Variants in UNC13C observed in about 807,000 individuals in gnomAD.
UNC13C encodes the protein protein unc-13 homolog C.
In UNC13C, 174 loss-of-function variants were observed where a neutral mutation model predicts 245.4. The observed-to-expected ratio is 0.71, with a 90% CI of 0.63 to 0.80. UNC13C has a LOEUF of 0.80. Among genes scored for constraint, UNC13C ranks in the 30% least tolerant of loss-of-function variants. The probability of loss-of-function intolerance (pLI) is 0.00; values close to 1 mark genes in which losing one functional copy is unlikely to be tolerated. For missense variants in UNC13C, 2,829 were observed against 2,602.9 expected (o/e 1.09, Z -1.89); for synonymous variants, 992 against 895.1 (o/e 1.11, Z -1.93).
intron 18 of UNC13C, among the ~76,000 whole-genome samples, chr15:54,407,133 T>G (rs1162156642): frequency 6.6e-6 from 1 of 152,150 alleles, no homozygotes; most frequent in East Asian, 1.9e-4. Flanking sequence ...TTTAAAGCAG[T>G]AGTTAGAAAT....
chr15:54,292,869 AAT>A (rs1275469414), intron 10 of UNC13C, among the ~76,000 whole-genome samples: 2 of 148,748 alleles, frequency 1.3e-5, no homozygotes, highest in East Asian at 1.9e-4. Context: ...TATATTATAA[AAT>A]ATGTTTTATA....
chr15:54,023,166 C>T (rs1044580257), intron 2 of UNC13C, among the ~76,000 whole-genome samples: 2 of 152,162 alleles, frequency 1.3e-5, no homozygotes, highest in African/African-American at 4.8e-5. Flanking sequence ...CTGTTAGCCT[C>T]ATCTTACAAG....
At chr15:54,329,082 T>TA (rs1491522461) in intron 14 of UNC13C, among the ~76,000 whole-genome samples, 1 of 7,626 alleles carries the variant, frequency 1.3e-4, no homozygotes, top group Non-Finnish European at 2.5e-4. Flanking sequence ...TTAAACCAAG[T>TA]TTTTTTTTTT....
intron 30 of UNC13C, among the ~76,000 whole-genome samples, chr15:54,601,086 CTTGAGGGTTGGACA>C (rs1899391442): frequency 6.6e-6 from 1 of 152,152 alleles, no homozygotes; most frequent in African/African-American, 2.4e-5. Context: ...CAGCCTGTGG[CTTGAGGGTTGGACA>C]AGCTTGATCT....
At chr15:54,142,472 T>G (rs574773735) in intron 2 of UNC13C, among the ~76,000 whole-genome samples, 1 of 152,230 alleles carries the variant, frequency 6.6e-6, no homozygotes, top group African/African-American at 2.4e-5. Flanking sequence ...TGGAATCAAC[T>G]TAATCTTTTA....
intron 4 of UNC13C, among the ~76,000 whole-genome samples, chr15:54,200,583 C>A (rs1182566219): frequency 1.3e-5 from 2 of 152,058 alleles, no homozygotes; most frequent in South Asian, 2.1e-4. Context: ...ATTGGGTCAA[C>A]AATGAAATCA....
chr15:54,544,344 T>C (rs903897641), intron 26 of UNC13C, among the ~76,000 whole-genome samples: 2 of 152,168 alleles, frequency 1.3e-5, no homozygotes, highest in Admixed American at 1.3e-4. Context: ...AATATCATAC[T>C]GAATGGGCAA....
At chr15:54,160,075 G>A (rs1028413314) in intron 4 of UNC13C, among the ~76,000 whole-genome samples, 29 of 152,014 alleles carry the variant, frequency 1.9e-4, no homozygotes, top group African/African-American at 6.8e-4. Flanking sequence ...GATACATCAC[G>A]GAAAACTAGA....
At chr15:54,215,071 G>A (rs780098686) in intron 4 of UNC13C, among the ~76,000 whole-genome samples, 3 of 151,902 alleles carry the variant, frequency 2.0e-5, no homozygotes, top group Non-Finnish European at 4.4e-5. Flanking sequence ...TATGGAGGGA[G>A]TAAGGTTTTT....
the UNC13C span, among the ~76,000 whole-genome samples, chr15:53,908,988 T>C: frequency 6.8e-6 from 1 of 146,246 alleles, no homozygotes; most frequent in African/African-American, 2.4e-5. Context: ...GTATATGTGG[T>C]TTGTTTATAT....
chr15:54,505,739 A>G (rs555206879), intron 22 of UNC13C, among the ~76,000 whole-genome samples: 89 of 131,908 alleles, frequency 6.7e-4, no homozygotes, highest in Non-Finnish European at 1.1e-3. Flanking sequence ...GCTTTAAGCT[A>G]TATTCTTTTT....
intron 19 of UNC13C, among the ~76,000 whole-genome samples, chr15:54,455,164 C>CCTCTCTCTCTCTCTCTCTCTCTCT (rs1203605020): frequency 2.3e-4 from 4 of 17,518 alleles, no homozygotes; most frequent in Non-Finnish European, 3.2e-4. Flanking sequence ...GAGTCATATT[C>CCTCTCTCTCTCTCTCTCTCTCTCT]CTCTCTCTCT....
intron 19 of UNC13C, among the ~76,000 whole-genome samples, chr15:54,464,439 A>G (rs901889342): frequency 3.3e-5 from 5 of 152,024 alleles, no homozygotes; most frequent in African/African-American, 9.7e-5. Flanking sequence ...ACATTTTTTT[A>G]TTCTTGAAAA....
At chr15:53,838,112 A>G in the UNC13C span, among the ~76,000 whole-genome samples, 65 of 152,228 alleles carry the variant, frequency 4.3e-4, no homozygotes, top group African/African-American at 1.5e-3. Flanking sequence ...TAATTTTTCC[A>G]TGAAAATATC....
chr15:54,405,996 G>C (rs980193996), intron 18 of UNC13C, among the ~76,000 whole-genome samples: 340 of 4,018 alleles, frequency 0.085, no homozygotes, highest in Non-Finnish European at 0.12. Flanking sequence ...GAGAAGTGTG[G>C]GGGGGGAAAG....
the UNC13C span, among the ~76,000 whole-genome samples, chr15:53,944,658 C>A: frequency 6.6e-6 from 1 of 152,212 alleles, no homozygotes; most frequent in East Asian, 1.9e-4. Flanking sequence ...TTTCTTTACC[C>A]AGTCTGCCAT....
At chr15:54,066,805 C>G (rs1053552903) in intron 2 of UNC13C, among the ~76,000 whole-genome samples, 1 of 152,286 alleles carries the variant, frequency 6.6e-6, no homozygotes. Flanking sequence ...GATGTTAGTG[C>G]TAAGATGTCC....
chr15:54,079,112 G>C (rs187040870), intron 2 of UNC13C, among the ~76,000 whole-genome samples: 1 of 152,082 alleles, frequency 6.6e-6, no homozygotes, highest in African/African-American at 2.4e-5. Context: ...TAGAAGATCA[G>C]TTGGTTATAG....
In UNC13C at chr15:54,437,852, A is replaced by T. The variant is rs556600601; in HGVS notation, c.4933+22785A>T. 6.6e-5 allele frequency among the ~76,000 whole-genome samples: 10 copies of T among 152,062 alleles called. No individual in the cohort carries two copies. The South Asian group carries it at 2.1e-3, about 32-fold the overall frequency. On this transcript the variant is annotated intron_variant, in intron 19 of 32. Transcript: ENST00000260323. ...ACCAAGTTTTGAAATCCATGAAATT[A>T]AAAGGATTTTAAGTAAGGTACTTAC...
Sources: allele counts gnomAD v4.1 joint callset (sites outside exome capture counted in the v4.1 genomes callset), GRCh38; gene constraint gnomAD v4.1.1; transcripts MANE v1.5; gene names NCBI Gene and HGNC (gene_info 2026-07-23, HGNC 2026-07-21).